Variants in ADAR observed in about 807,000 individuals in gnomAD.
The protein encoded by ADAR is double-stranded RNA-specific adenosine deaminase.
Under a neutral mutation model 113.2 loss-of-function variants are expected in ADAR, and 41 were observed. The ratio of observed to expected loss-of-function variants is 0.36; its 90% CI spans 0.28 to 0.47. The LOEUF is 0.47. ADAR is among the 20% of genes least tolerant of loss of function. The pLI is 1.00. For synonymous variants in ADAR, 605 were observed against 572.6 expected (o/e 1.06, Z -0.81); for missense variants, 1,242 against 1,540.9 (o/e 0.81, Z 3.25).
chr1:154,587,685 G>C (rs1696858661), intron 11 of ADAR, among the ~76,000 whole-genome samples: 1 of 152,200 alleles, frequency 6.6e-6, no homozygotes, highest in African/African-American at 2.4e-5. Flanking sequence ...ACAAGGCAGA[G>C]TCAACTGCCA....
At chr1:154,627,880 G>T (rs1298351654) in exon 1 of ADAR, 1 of 518,302 alleles carries the variant, frequency 1.9e-6, no homozygotes, top group Non-Finnish European at 3.8e-6. Context: ...CTCGGGACAC[G>T]GCCGGACACC....
chr1:154,598,895 A>C (rs1439511629), intron 2 of ADAR, among the ~76,000 whole-genome samples: 1 of 152,242 alleles, frequency 6.6e-6, no homozygotes. Flanking sequence ...CACACACACA[A>C]AAATGATGAG....
chr1:154,611,999 T>G (rs1698499752), upstream of ADAR, among the ~76,000 whole-genome samples: 1 of 152,252 alleles, frequency 6.6e-6, no homozygotes, highest in Non-Finnish European at 1.5e-5. Context: ...TTCTTGCTTT[T>G]TAACTATAAG....
In ADAR at chr1:154,608,067, G is replaced by C. The variant is rs2101670655; in HGVS notation, c.-61C>G. On this transcript the variant is annotated 5_prime_UTR_variant, in exon 1 of 15. Coordinates refer to ENST00000368474, the MANE Select transcript of ADAR (RefSeq NM_001111.5). The stretch of plus-strand genomic sequence containing the variant: ...GCGGCACGACCCTGGCCCGACCGCT[G>C]GGCCGCGCCAGCCCCTCGAGGCCCC... 2 of 1,519,502 alleles carry C rather than the reference G, an allele frequency of 1.3e-6. No individual in the cohort carries two copies. Among genetic ancestry groups the C allele is most frequent in the Admixed American group, 2.2e-5 (1 of 45,556 alleles). The allele number at this position is 1,519,502 out of a possible 1,614,324, so 94.1% of individuals were successfully genotyped here.
chr1:154,627,569 C>T (rs1336235360), intron 1 of ADAR, among the ~76,000 whole-genome samples: 1 of 152,222 alleles, frequency 6.6e-6, no homozygotes, highest in Non-Finnish European at 1.5e-5. Flanking sequence ...CTGGCACGAG[C>T]GCCGGAGCAT....
In ADAR at chr1:154,586,560, G is replaced by C. The variant is rs6683149; in HGVS notation, c.3020-197C>G. The stretch of plus-strand genomic sequence containing the variant: ...GAGCAAAACCAAGTAAGATCTTTGT[G>C]CTCTTAAAACATCTATGGTGGTGAG... On this transcript the variant is annotated intron_variant, in intron 11 of 14. Coordinates refer to ENST00000368474, the MANE Select transcript of ADAR (RefSeq NM_001111.5). Among the ~76,000 whole-genome samples the C allele has an allele frequency of 0.93, 141,155 of 152,284 alleles. 66,380 individuals are homozygous for C. The highest frequency in any genetic ancestry group is 1 in the Non-Finnish European group (67,999 of 68,040).
At chr1:154,607,751 ACT>A (rs1309504493) in intron 1 of ADAR, among the ~76,000 whole-genome samples, 1 of 148,882 alleles carries the variant, frequency 6.7e-6, no homozygotes, top group Non-Finnish European at 1.5e-5. Context: ...ACACACACAC[ACT>A]CTCACAAGAC....
chr1:154,616,420 G>C (rs1317974305), intron 1 of ADAR, among the ~76,000 whole-genome samples: 1 of 151,836 alleles, frequency 6.6e-6, no homozygotes, highest in African/African-American at 2.4e-5. Context: ...CCTCCCTCTA[G>C]ATTGCCATGC....
At chr1:154,587,097 G>A (rs753408422) in intron 11 of ADAR, among the ~76,000 whole-genome samples, 7 of 151,976 alleles carry the variant, frequency 4.6e-5, no homozygotes, top group South Asian at 2.1e-4. Flanking sequence ...ACATTTCATC[G>A]CTCCAAAAAG....
Position 154,597,215 on chromosome 1 carries a change from G to A in ADAR, c.1987C>T (p.Pro663Ser), listed in dbSNP as rs763748775. The A allele has an allele frequency of 5.6e-6, 9 of 1,614,028 alleles. No individual in the cohort carries two copies. Among genetic ancestry groups the A allele is most frequent in the Non-Finnish European group, 5.9e-6 (7 of 1,180,022 alleles). ...GAQTFPSVSAPSKKVAKQMAA... is the reference protein window; with the variant it reads ...GAQTFPSVSASSKKVAKQMAA... ...ATCTGCTTTGCCACTTTCTTGCTGG[G>A]AGCACTCACACTGGGGAAAGTTTGG... Residue 663 changes from proline (P) to serine (S), a missense_variant, in exon 5 of 15, where the codon CCC (proline) becomes TCC (serine). Pro to Ser is a moderately conservative substitution (Grantham distance 74, BLOSUM62 -1). Transcript: ENST00000368474.
At chr1:154,589,605 A>G (rs1696989874) in intron 8 of ADAR, 143 bp from the exon 9 acceptor site, 2 of 1,204,702 alleles carry the variant, frequency 1.7e-6, no homozygotes, top group Non-Finnish European at 2.4e-6. Flanking sequence ...TCCTCTAGGA[A>G]CTAAGAACTC....
intron 13 of ADAR, 86 bp from the exon 14 acceptor site, chr1:154,585,430 AGGAAGT>A: frequency 6.3e-7 from 1 of 1,594,862 alleles, no homozygotes; most frequent in South Asian, 1.1e-5. Flanking sequence ...CATAGGAGAG[AGGAAGT>A]GTGGGGTCAT....
At chr1:154,621,656 C>G (rs1164669251) in intron 1 of ADAR, among the ~76,000 whole-genome samples, 1 of 152,138 alleles carries the variant, frequency 6.6e-6, no homozygotes, top group African/African-American at 2.4e-5. Context: ...AAATGAGATG[C>G]TATTTCAAAT....
At chr1:154,586,102 C>G (rs1252177120) in intron 12 of ADAR, 79 bp downstream of exon 12, 1 of 1,561,356 alleles carries the variant, frequency 6.4e-7, no homozygotes, top group African/African-American at 1.4e-5. Flanking sequence ...AGACAAAACA[C>G]CTGGCAATAA....
chr1:154,612,998 AG>A (rs778626349), upstream of ADAR, among the ~76,000 whole-genome samples: 3 of 151,388 alleles, frequency 2.0e-5, no homozygotes, highest in Non-Finnish European at 4.4e-5. Flanking sequence ...TTTTTAGTAG[AG>A]ACGGCGTTTC....
At chr1:154,596,051 C>T (rs1314063828) in intron 6 of ADAR, among the ~76,000 whole-genome samples, 2 of 152,172 alleles carry the variant, frequency 1.3e-5, no homozygotes, top group African/African-American at 4.8e-5. Flanking sequence ...ACAGCCTGTA[C>T]GTGTGTAGGA....
At position 154,602,190 on chromosome 1, in the gene ADAR, C is replaced by T; in HGVS notation, c.452G>A (p.Gly151Glu). 1 of 1,614,200 alleles carries T rather than the reference C, an allele frequency of 6.2e-7. No homozygotes were observed. The highest frequency in any genetic ancestry group is 8.5e-7 in the Non-Finnish European group (1 of 1,180,032). ...QRILKFLEEL[G>E]EGKATTAHDL... The stretch of plus-strand genomic sequence containing the variant: ...ATGTGCTGTGGTGGCCTTCCCTTCC[C>T]CAAGCTCTTCCAGGAACTTTAAGAT... Residue 151 changes from glycine to glutamate, a missense_variant, in exon 2 of 15, where the codon GGG becomes GAG. This residue lies in a region of ADAR where 462 missense variants were observed against 483.1 expected (regional missense o/e 0.96). Coordinates refer to ENST00000368474, the MANE Select transcript of ADAR (RefSeq NM_001111.5).
At chr1:154,608,828 A>AGGG (rs1268448679), upstream of ADAR, 152 of 75,438 alleles carry the variant, frequency 2.0e-3, 6 homozygotes, top group African/African-American at 7.1e-3. Context: ...TCCAATGTGG[A>AGGG]GGGGGGGGGG....
upstream of ADAR, among the ~76,000 whole-genome samples, chr1:154,610,866 T>C (rs1196043902): frequency 6.9e-6 from 1 of 145,196 alleles, no homozygotes; most frequent in Non-Finnish European, 1.5e-5. Flanking sequence ...TAATCACTTC[T>C]AGGGAGAAAG....
Sources: gnomAD v4.1 joint callset for allele counts (sites outside exome capture counted in the v4.1 genomes callset) on GRCh38, gnomAD v4.1.1 for gene constraint, gnomAD v4.1.1 regional missense constraint, MANE v1.5 for transcripts, NCBI Gene and HGNC (gene_info 2026-07-23, HGNC 2026-07-21) for gene names.